The following PIPOX variants were observed in gnomAD, a reference collection of about 807,000 sequenced individuals.
The protein encoded by PIPOX is pipecolic acid and sarcosine oxidase.
A neutral mutation model predicts 47.9 loss-of-function variants in PIPOX; 45 were observed. The observed-to-expected ratio is 0.94, with a 90% CI of 0.74 to 1.20. PIPOX has a LOEUF of 1.20. PIPOX is among the 50% of genes most tolerant of loss of function. The pLI is 0.00. For synonymous variants in PIPOX, 165 were observed against 191.3 expected, an observed-to-expected ratio of 0.86 and a Z score of 1.13; for missense variants, 458 against 498.4, an observed-to-expected ratio of 0.92 and a Z score of 0.77.
intron 2 of PIPOX, among the ~76,000 whole-genome samples, chr17:29,046,046 G>A (rs1209529201): frequency 6.6e-6 from 1 of 152,184 alleles, no homozygotes; most frequent in East Asian, 1.9e-4. Context: ...ACCTGATAGG[G>A]TGGTGGTTAT....
At chr17:29,055,015 T>G (rs752858077) in intron 5 of PIPOX, 48 bp from the exon 6 acceptor site, 7 of 1,610,388 alleles carry the variant, frequency 4.3e-6, no homozygotes, top group Non-Finnish European at 5.9e-6. Flanking sequence ...TGTGGGTGTG[T>G]GTGGAAGGCC....
intron 1 of PIPOX, 32 bp from the exon 2 acceptor site, chr17:29,044,827 C>T (rs757163059): frequency 6.3e-7 from 1 of 1,592,174 alleles, no homozygotes; most frequent in East Asian, 2.2e-5. Flanking sequence ...GGGGTAATGG[C>T]TTCCATCATC....
chr17:29,045,010 G>A lies in PIPOX; in HGVS notation c.263+3G>A. On this transcript the variant is annotated splice_donor_region_variant and intron_variant, in intron 2 of 7. Coordinates refer to ENST00000323372, the MANE Select transcript of PIPOX (RefSeq NM_016518.3). ...GAGGCTGGAACCCAATTGCACAGGT[G>A]GGCTGTGGGAGGAATTCCTTGAATC... is the stretch of plus-strand genomic sequence containing the variant. 5 of 1,590,612 alleles carry A rather than the reference G, an allele frequency of 3.1e-6. No homozygotes were observed. Among genetic ancestry groups the A allele is most frequent in the Non-Finnish European group, 4.3e-6 (5 of 1,167,102 alleles).
chr17:29,056,181 G>A lies in PIPOX; in HGVS notation c.1049G>A (p.Gly350Glu). 1 of 1,614,184 alleles carries A rather than the reference G, an allele frequency of 6.2e-7. No individual in the cohort carries two copies. Among genetic ancestry groups the A allele is most frequent in the Non-Finnish European group, 8.5e-7 (1 of 1,180,034 alleles). The change falls in exon 8 of 8, where the codon GGG becomes GAG. Residue 350 changes from glycine (G) to glutamate (E), a missense_variant. Transcript: ENST00000323372. Reference sequence around the variant, plus strand: ...TCTGCTCTTCCCTTCCTAGGGCACGGGTTCAAGCTGGCCCCTGTGGTGGGG... The same window carrying A: ...TCTGCTCTTCCCTTCCTAGGGCACGAGTTCAAGCTGGCCCCTGTGGTGGGG... ...IVIGAGFSGH[G>E]FKLAPVVGKI...
At chr17:29,043,506 AAAG>A (rs1223735152) in intron 1 of PIPOX, among the ~76,000 whole-genome samples, 167 bp downstream of exon 1, 1 of 152,208 alleles carries the variant, frequency 6.6e-6, no homozygotes, top group East Asian at 1.9e-4. Context: ...ATGGCAATTC[AAAG>A]AAGTTTCACA....
Position 29,056,159 on chromosome 17 carries a change from G to T in PIPOX, c.1043-16G>T, listed in dbSNP as rs937727375. The T allele has an allele frequency of 1.7e-5, 27 of 1,613,970 alleles. No individual in the cohort carries two copies. Among genetic ancestry groups the T allele is most frequent in the Non-Finnish European group, 2.0e-5 (24 of 1,179,928 alleles). ...TGTCTGTGAAGCTGCCTGAGAGTCT[G>T]CTCTTCCCTTCCTAGGGCACGGGTT... On this transcript the variant is annotated splice_polypyrimidine_tract_variant and intron_variant, in intron 7 of 7. Coordinates refer to ENST00000323372, the MANE Select transcript of PIPOX (RefSeq NM_016518.3).
chr17:29,047,861 AAATCATCCCAGGTCAAAAGACTGC>A (rs1433793659), intron 2 of PIPOX, among the ~76,000 whole-genome samples: 1 of 152,202 alleles, frequency 6.6e-6, no homozygotes, highest in African/African-American at 2.4e-5. Flanking sequence ...GTTCATGCCT[AAATCATCCCAGGTCAAAAGACTGC>A]TACTATGCAT....
chr17:29,053,391 T>C, intron 3 of PIPOX, 22 bp from the exon 4 acceptor site: 1 of 1,600,234 alleles, frequency 6.2e-7, no homozygotes, highest in Non-Finnish European at 8.5e-7. Flanking sequence ...TAATTCACCT[T>C]TCCCTGCTCC....
intron 4 of PIPOX, among the ~76,000 whole-genome samples, chr17:29,053,969 C>T (rs1275756109): frequency 1.3e-5 from 2 of 152,030 alleles, no homozygotes; most frequent in Non-Finnish European, 2.9e-5. Context: ...TTTCTTGAGC[C>T]CAGGAGTTCA....
chr17:29,052,884 A>C, intron 2 of PIPOX, 36 bp from the exon 3 acceptor site: 1 of 1,594,204 alleles, frequency 6.3e-7, no homozygotes, highest in Non-Finnish European at 8.6e-7. Flanking sequence ...AGGATTTTGA[A>C]ACACACCTTC....
chr17:29,052,923 G>C lies in PIPOX; in HGVS notation c.267G>C (p.Gln89His), dbSNP rs570145467. The C allele has an allele frequency of 7.6e-5, 123 of 1,614,126 alleles. 1 individual carries two copies. The Middle Eastern group carries it at 1.2e-3, about 15-fold the overall frequency. Residue 89 changes from glutamine (Q) to histidine (H), a missense_variant, in exon 3 of 8, where the codon CAG becomes CAC. Physicochemically the swap from Gln to His is conservative, Grantham distance 24 (BLOSUM62 0). Transcript: ENST00000323372. ...EHEAGTQLHR[Q>H]TGLLLLGMKE... ...TAGGTGACTTATTTTTTAACAGGCA[G>C]ACTGGATTACTGCTGCTGGGAATGA... is the stretch of plus-strand genomic sequence containing the variant.
chr17:29,052,757 C>T (rs143189526), intron 2 of PIPOX, among the ~76,000 whole-genome samples, 163 bp from the exon 3 acceptor site: 44 of 152,314 alleles, frequency 2.9e-4, no homozygotes, highest in African/African-American at 1.1e-3. Flanking sequence ...TTTGCAGAGA[C>T]AGGGTCTCAT....
chr17:29,054,669 G>T lies in PIPOX; in HGVS notation c.785G>T (p.Gly262Val), dbSNP rs201803979. ...CACCACATCTACGGACTGCCCACAGGAGAGTACCCAGGGCTGATGAAGGTG... is the reference window on the plus strand; with the variant it reads ...CACCACATCTACGGACTGCCCACAGTAGAGTACCCAGGGCTGATGAAGGTG... ...CPHHIYGLPTGEYPGLMKVSY... is the reference protein window; with the variant it reads ...CPHHIYGLPTVEYPGLMKVSY... The change falls in exon 5 of 8, where the codon GGA (glycine) becomes GTA (valine). Residue 262 changes from glycine to valine, a missense_variant. Gly to Val is a moderately radical substitution (Grantham distance 109). Coordinates refer to ENST00000323372, the MANE Select transcript of PIPOX (RefSeq NM_016518.3). The T allele has an allele frequency of 5.6e-6, 9 of 1,614,162 alleles. No homozygotes were observed. In the East Asian group the frequency reaches 1.8e-4, roughly 32 times the overall value.
intron 7 of PIPOX, 133 bp downstream of exon 7, chr17:29,056,021 G>T: frequency 7.9e-7 from 1 of 1,259,338 alleles, no homozygotes; most frequent in Non-Finnish European, 1.2e-6. Flanking sequence ...AGGAGGCTGG[G>T]CAGTCAGAAA....
At chr17:29,044,520 C>T in intron 1 of PIPOX, 1 of 172,392 alleles carries the variant, frequency 5.8e-6, no homozygotes, top group Non-Finnish European at 1.2e-5. Flanking sequence ...ATTGCACGGG[C>T]TGGAGTGCAG....
intron 1 of PIPOX, chr17:29,044,222 G>C (rs2065776673): frequency 6.6e-6 from 1 of 152,212 alleles, no homozygotes; most frequent in African/African-American, 2.4e-5. Context: ...AATAAAGTCA[G>C]CATCAGTTTC....
At chr17:29,050,549 C>A (rs141052082) in intron 2 of PIPOX, among the ~76,000 whole-genome samples, 1 of 152,146 alleles carries the variant, frequency 6.6e-6, no homozygotes. Context: ...ACAAAAAATT[C>A]GCCAAGTGTG....
At chr17:29,044,768 T>C in intron 1 of PIPOX, 91 bp from the exon 2 acceptor site, 1 of 1,318,230 alleles carries the variant, frequency 7.6e-7, no homozygotes, top group Non-Finnish European at 1.0e-6. Flanking sequence ...AAATGGCTCC[T>C]GGTTGACAGC....
intron 2 of PIPOX, among the ~76,000 whole-genome samples, chr17:29,050,443 T>TATA (rs2065801496): frequency 2.0e-5 from 3 of 152,186 alleles, no homozygotes; most frequent in Admixed American, 6.5e-5. Flanking sequence ...CTTATAATCC[T>TATA]AGCACTTTGG....
Sources: allele counts gnomAD v4.1 joint callset (sites outside exome capture counted in the v4.1 genomes callset), GRCh38; gene constraint gnomAD v4.1.1; transcripts MANE v1.5; gene names NCBI Gene and HGNC (gene_info 2026-07-23, HGNC 2026-07-21).